The following GPHN variants were observed in gnomAD, a reference collection of about 807,000 sequenced individuals.
GPHN encodes gephyrin.
In GPHN, 17 loss-of-function variants were observed where a neutral mutation model predicts 95.5. The ratio of observed to expected loss-of-function variants is 0.18; its 90% CI spans 0.12 to 0.27. The LOEUF (loss-of-function observed/expected upper bound fraction) is 0.27. GPHN is among the 10% of genes least tolerant of loss of function. The pLI, the probability that GPHN is intolerant of heterozygous loss-of-function variation, is 1.00. For missense variants in GPHN, 660 were observed against 978.1 expected (o/e 0.67, Z 4.34); for synonymous variants, 320 against 322.5 (o/e 0.99, Z 0.08).
intron 9 of GPHN, among the ~76,000 whole-genome samples, chr14:66,989,856 A>G (rs993851223): frequency 1.2e-4 from 18 of 152,138 alleles, no homozygotes; most frequent in African/African-American, 4.3e-4. Context: ...TCAGAACCAT[A>G]GACTATATTA....
chr14:67,590,855 T>C, the GPHN span, among the ~76,000 whole-genome samples: 64,126 of 152,054 alleles, frequency 0.42, 15,597 homozygotes, highest in Non-Finnish European at 0.56. Flanking sequence ...ATGAACTCCA[T>C]CTCTAAGAAT....
chr14:66,969,869 C>T (rs1012617987), intron 9 of GPHN: 1 of 150,536 alleles, frequency 6.6e-6, no homozygotes, highest in South Asian at 2.1e-4. Flanking sequence ...ATAATGATTA[C>T]AGCAAAAAAT....
the GPHN span, among the ~76,000 whole-genome samples, chr14:67,676,134 G>A: frequency 6.6e-6 from 1 of 152,158 alleles, no homozygotes; most frequent in South Asian, 2.1e-4. Flanking sequence ...CCGATTTCAC[G>A]GTTTGCTCAA....
At chr14:67,341,821 TTC>T in the GPHN span, among the ~76,000 whole-genome samples, 1 of 152,156 alleles carries the variant, frequency 6.6e-6, no homozygotes, top group African/African-American at 2.4e-5. Context: ...TGGGAGACTT[TTC>T]ATTTTGTTCT....
At chr14:67,722,252 A>G in the GPHN span, among the ~76,000 whole-genome samples, 1 of 152,170 alleles carries the variant, frequency 6.6e-6, no homozygotes, top group Non-Finnish European at 1.5e-5. Context: ...GAAATATTCT[A>G]TATATTCCAT....
At chr14:67,317,388 T>A in the GPHN span, 1 of 1,591,652 alleles carries the variant, frequency 6.3e-7, no homozygotes, top group Non-Finnish European at 8.6e-7. Context: ...TTTATAGTTA[T>A]GTTTATGATT....
the GPHN span, among the ~76,000 whole-genome samples, chr14:67,686,488 A>T: frequency 6.6e-6 from 1 of 152,008 alleles, no homozygotes; most frequent in African/African-American, 2.4e-5. Context: ...AAATAGAAAA[A>T]ATTGGCCGGG....
At chr14:66,974,308 C>G (rs1482268330) in intron 9 of GPHN, among the ~76,000 whole-genome samples, 1 of 152,072 alleles carries the variant, frequency 6.6e-6, no homozygotes, top group Non-Finnish European at 1.5e-5. Context: ...CTCTGATGTT[C>G]TGCTGGGTAT....
At chr14:66,954,031 G>T (rs1054721709) in intron 8 of GPHN, among the ~76,000 whole-genome samples, 2 of 65,984 alleles carry the variant, frequency 3.0e-5, no homozygotes, top group Non-Finnish European at 6.3e-5. Flanking sequence ...GCAAAACTCG[G>T]TCTCAAAAAA....
chr14:67,710,089 C>A, the GPHN span, among the ~76,000 whole-genome samples: 1 of 152,196 alleles, frequency 6.6e-6, no homozygotes, highest in African/African-American at 2.4e-5. Flanking sequence ...GTTGTTCCAC[C>A]TTTCCAGACT....
the GPHN span, chr14:67,677,353 T>G: frequency 8.7e-5 from 13 of 149,660 alleles, no homozygotes; most frequent in Non-Finnish European, 1.8e-4. Flanking sequence ...TTTGTTTGTT[T>G]GTTTTTAGGA....
At chr14:67,451,382 C>G in the GPHN span, among the ~76,000 whole-genome samples, 13 of 152,188 alleles carry the variant, frequency 8.5e-5, no homozygotes, top group Non-Finnish European at 1.6e-4. Flanking sequence ...CAGCTTGCAC[C>G]CGTCACCTGG....
At chr14:67,204,909 A>C in the GPHN span, 3 of 1,611,312 alleles carry the variant, frequency 1.9e-6, no homozygotes, top group African/African-American at 1.4e-5. Flanking sequence ...CCGACATCAC[A>C]GATGTCACAG....
the GPHN span, among the ~76,000 whole-genome samples, chr14:67,457,324 T>A: frequency 6.6e-6 from 1 of 152,340 alleles, no homozygotes; most frequent in East Asian, 1.9e-4. Context: ...CAGGGCATGC[T>A]GGCTCACGCC....
intron 18 of GPHN, among the ~76,000 whole-genome samples, chr14:67,145,677 T>C (rs1322425953): frequency 6.6e-6 from 1 of 152,168 alleles, no homozygotes; most frequent in Non-Finnish European, 1.5e-5. Context: ...AAAAAGAATT[T>C]AGGGTACCTC....
chr14:67,600,855 A>G, the GPHN span, among the ~76,000 whole-genome samples: 3 of 152,334 alleles, frequency 2.0e-5, no homozygotes, highest in South Asian at 6.2e-4. Flanking sequence ...CTGGGATTAC[A>G]GGCGTGAGCC....
chr14:66,709,699 G>T (rs2069431595), intron 2 of GPHN, among the ~76,000 whole-genome samples: 1 of 152,144 alleles, frequency 6.6e-6, no homozygotes, highest in Non-Finnish European at 1.5e-5. Flanking sequence ...TCATTGCTGG[G>T]CAAAGTCCCT....
At chr14:67,509,131 T>A in the GPHN span, among the ~76,000 whole-genome samples, 1 of 152,136 alleles carries the variant, frequency 6.6e-6, no homozygotes. Context: ...GAAATGGGGT[T>A]TATGAGATGT....
At chr14:67,272,665 G>T in the GPHN span, among the ~76,000 whole-genome samples, 2 of 151,992 alleles carry the variant, frequency 1.3e-5, 1 homozygote, top group South Asian at 4.2e-4. Context: ...CCTACATATT[G>T]CTTTTGTTTT....
Sources: allele counts gnomAD v4.1 joint callset (sites outside exome capture counted in the v4.1 genomes callset), GRCh38; gene constraint gnomAD v4.1.1; transcripts MANE v1.5; gene names NCBI Gene and HGNC (gene_info 2026-07-23, HGNC 2026-07-21).